The following RARB variants were observed in gnomAD, a reference collection of about 807,000 sequenced individuals.
RARB encodes retinoic acid receptor beta.
A neutral mutation model predicts 51.9 loss-of-function variants in RARB; 17 were observed. That is an observed-to-expected ratio of 0.33 (90% CI 0.22 to 0.49). The LOEUF is 0.49. Among genes scored for constraint, RARB ranks in the 20% least tolerant of loss-of-function variants. The probability of loss-of-function intolerance (pLI) is 0.99; values close to 1 mark genes in which losing one functional copy is unlikely to be tolerated. For synonymous variants in RARB, 215 were observed against 195.4 expected (o/e 1.10, Z -0.84); for missense variants, 369 against 550.8 (o/e 0.67, Z 3.30).
At chr3:24,901,040 T>C (rs1703595294) in intron 2 of RARB, among the ~76,000 whole-genome samples, 1 of 152,224 alleles carries the variant, frequency 6.6e-6, no homozygotes, top group Non-Finnish European at 1.5e-5. Flanking sequence ...TTCCCTCCAC[T>C]AGTGGAAATT....
intron 3 of RARB, among the ~76,000 whole-genome samples, chr3:25,502,590 C>A (rs543130533): frequency 1.3e-5 from 2 of 152,198 alleles, no homozygotes; most frequent in African/African-American, 4.8e-5. Context: ...GAAAGCTTCA[C>A]AGCTGGGATC....
intron 5 of RARB, among the ~76,000 whole-genome samples, chr3:25,205,675 C>T (rs1156849228): frequency 6.6e-6 from 1 of 152,092 alleles, no homozygotes; most frequent in Non-Finnish European, 1.5e-5. Context: ...CAAAATTTCT[C>T]ATGTGCCTCA....
At chr3:25,349,524 C>T (rs915403054) in intron 5 of RARB, among the ~76,000 whole-genome samples, 2 of 152,098 alleles carry the variant, frequency 1.3e-5, no homozygotes, top group African/African-American at 4.8e-5. Context: ...AACATATTGT[C>T]CTCCTAATCC....
chr3:25,231,556 G>C (rs1308386566), intron 5 of RARB, among the ~76,000 whole-genome samples: 2 of 152,124 alleles, frequency 1.3e-5, no homozygotes, highest in Non-Finnish European at 1.5e-5. Context: ...CTATCAACTT[G>C]TGAGAGTTCC....
At chr3:24,952,531 T>A (rs1695917161) in intron 2 of RARB, among the ~76,000 whole-genome samples, 1 of 152,154 alleles carries the variant, frequency 6.6e-6, no homozygotes, top group African/African-American at 2.4e-5. Context: ...TAACCCTTTG[T>A]CTAGTTCGAA....
intron 3 of RARB, among the ~76,000 whole-genome samples, chr3:25,094,748 T>G (rs1699263591): frequency 1.9e-5 from 2 of 104,048 alleles, no homozygotes; most frequent in African/African-American, 3.6e-5. Context: ...AAAAGGAAAC[T>G]GCAACACAGT....
At position 25,399,784 on chromosome 3, in the gene RARB, G is replaced by A. The variant is rs534457042; in HGVS notation, c.179-61409G>A. 2.4e-4 allele frequency among the ~76,000 whole-genome samples: 37 copies of A among 152,284 alleles called. No homozygotes were observed. The South Asian group carries it at 2.9e-3, about 12-fold the overall frequency. On this transcript the variant is annotated intron_variant, in intron 5 of 11. Coordinates refer to the RARB transcript ENST00000383772. ...GTTAGCTGGAACCAGAAGTAAATCC[G>A]AGGTTTGTCTCACAGGCAGAGACTG...
At chr3:24,941,360 G>GA (rs1304889341) in intron 2 of RARB, among the ~76,000 whole-genome samples, 1 of 150,652 alleles carries the variant, frequency 6.6e-6, no homozygotes, top group Non-Finnish European at 1.5e-5. Flanking sequence ...GAGACAATCA[G>GA]AATAAAAGGC....
intron 5 of RARB, among the ~76,000 whole-genome samples, chr3:25,304,200 C>G (rs945075144): frequency 2.0e-5 from 3 of 152,214 alleles, no homozygotes; most frequent in African/African-American, 2.4e-5. Flanking sequence ...CTTCCGAATC[C>G]CAGCTGTACT....
chr3:24,959,261 G>A (rs1696087636), intron 2 of RARB, among the ~76,000 whole-genome samples: 1 of 152,120 alleles, frequency 6.6e-6, no homozygotes, highest in Admixed American at 6.5e-5. Flanking sequence ...CTGTGTCCAG[G>A]AAAAATCAGG....
intron 3 of RARB, among the ~76,000 whole-genome samples, chr3:25,522,453 A>G (rs74434634): frequency 0.032 from 4,861 of 152,180 alleles, 251 homozygotes; most frequent in African/African-American, 0.11. Context: ...CACCCTCAAC[A>G]TTGAAGTTTT....
intron 1 of RARB, among the ~76,000 whole-genome samples, chr3:25,445,593 G>A (rs565491087): frequency 2.6e-4 from 39 of 152,244 alleles, no homozygotes; most frequent in African/African-American, 9.1e-4. Context: ...CTTGAGCCCA[G>A]GAGGCAGGGG....
intron 1 of RARB, among the ~76,000 whole-genome samples, chr3:24,830,504 C>A (rs1272200128): frequency 6.8e-6 from 1 of 147,634 alleles, no homozygotes; most frequent in Admixed American, 6.8e-5. Flanking sequence ...TGCCTCCACA[C>A]CCCTCCGCCC....
chr3:24,961,598 C>T lies in RARB; in HGVS notation c.-379-98527C>T, dbSNP rs145111609. 9.0e-3 allele frequency among the ~76,000 whole-genome samples: 1,350 copies of T among 150,654 alleles called. 7 individuals carry two copies. The highest frequency in any genetic ancestry group is 0.014 in the Admixed American group (215 of 15,082). Reference sequence around the variant, plus strand: ...TCCAGGTTGTTCAGACAGATGAATTCAGCGAACCTTGCCACACTGTGGGGA... The same window carrying T: ...TCCAGGTTGTTCAGACAGATGAATTTAGCGAACCTTGCCACACTGTGGGGA... On this transcript the variant is annotated intron_variant, in intron 2 of 11. Coordinates refer to the RARB transcript ENST00000383772.
intron 3 of RARB, among the ~76,000 whole-genome samples, chr3:25,094,634 T>C (rs530445157): frequency 1.4e-5 from 2 of 142,698 alleles, no homozygotes; most frequent in East Asian, 4.3e-4. Context: ...AGAGGATGGC[T>C]TGAGCCCAGG....
intron 1 of RARB, among the ~76,000 whole-genome samples, chr3:24,858,347 A>G (rs977377666): frequency 1.3e-5 from 2 of 152,164 alleles, no homozygotes; most frequent in African/African-American, 4.8e-5. Context: ...ACTATAATTA[A>G]CGATTGCCAC....
intron 5 of RARB, among the ~76,000 whole-genome samples, chr3:25,260,503 A>G (rs763454980): frequency 2.4e-4 from 36 of 152,114 alleles, no homozygotes; most frequent in Admixed American, 7.9e-4. Flanking sequence ...CACACAAGAC[A>G]GGGACCCACT....
chr3:25,094,323 C>T (rs1254023360), intron 3 of RARB, among the ~76,000 whole-genome samples: 2 of 152,236 alleles, frequency 1.3e-5, no homozygotes, highest in South Asian at 2.1e-4. Context: ...ATCAAATATG[C>T]CTAATAGTCA....
At chr3:25,205,504 C>T (rs1277512464) in intron 5 of RARB, among the ~76,000 whole-genome samples, 1 of 152,110 alleles carries the variant, frequency 6.6e-6, no homozygotes, top group Non-Finnish European at 1.5e-5. Context: ...AATAATTTGT[C>T]TTCTGCGTTG....
Sources: allele counts gnomAD v4.1 joint callset (sites outside exome capture counted in the v4.1 genomes callset), GRCh38; gene constraint gnomAD v4.1.1; transcripts MANE v1.5; gene names NCBI Gene and HGNC (gene_info 2026-07-23, HGNC 2026-07-21).